CASZ1: variants seen among roughly 807,000 people sequenced by gnomAD.
CASZ1 encodes the protein zinc finger protein castor homolog 1.
In CASZ1, 28 loss-of-function variants were observed where a neutral mutation model predicts 135.2. The ratio of observed to expected loss-of-function variants is 0.21; its 90% CI spans 0.15 to 0.28. The LOEUF is 0.28. Ranked by LOEUF, CASZ1 falls within the 10% of genes least tolerant of loss-of-function variation. CASZ1 has a pLI of 1.00. For synonymous variants in CASZ1, 1,068 were observed against 1,073.4 expected (o/e 0.99, Z 0.10); for missense variants, 2,161 against 2,453.3 (o/e 0.88, Z 2.52).
intron 20 of CASZ1, 92 bp downstream of exon 20, chr1:10,642,767 T>G: frequency 7.0e-7 from 1 of 1,438,592 alleles, no homozygotes; most frequent in Non-Finnish European, 9.4e-7. Flanking sequence ...GGAGGCCGCG[T>G]GCCCCGGACC....
intron 1 of CASZ1, among the ~76,000 whole-genome samples, chr1:10,789,369 C>CT (rs199509019): frequency 1.6e-3 from 236 of 150,808 alleles, no homozygotes; most frequent in African/African-American, 5.7e-3. Flanking sequence ...CTGCCCCCCG[C>CT]ACCCCCTCCT....
At chr1:10,685,762 T>C (rs1638566713) in intron 4 of CASZ1, among the ~76,000 whole-genome samples, 2 of 152,198 alleles carry the variant, frequency 1.3e-5, no homozygotes, top group African/African-American at 4.8e-5. Context: ...CCTCCCCCTG[T>C]CCACTCCAGT....
At chr1:10,792,969 C>T (rs986116878) in intron 1 of CASZ1, among the ~76,000 whole-genome samples, 39 of 152,000 alleles carry the variant, frequency 2.6e-4, no homozygotes, top group Non-Finnish European at 5.4e-4. Flanking sequence ...AAAAGAGGAG[C>T]AAATATACCT....
At chr1:10,714,953 C>T (rs753788562) in intron 2 of CASZ1, among the ~76,000 whole-genome samples, 1 of 152,190 alleles carries the variant, frequency 6.6e-6, no homozygotes, top group African/African-American at 2.4e-5. Flanking sequence ...CATCCAAAGC[C>T]GAGGAATTCC....
In CASZ1 at chr1:10,666,070, TCA is replaced by T. The variant is rs1643224567; in HGVS notation, c.17-501_17-500del. 6.6e-6 allele frequency among the ~76,000 whole-genome samples: 1 copy of T among 151,380 alleles called. No individual in the cohort carries two copies. ...CTTACCACACGTTCCTGGGGAGGAG[TCA>T]CAGAGAGCCAGGGACCAGCTTGTGC... On this transcript the variant is annotated intron_variant, in intron 4 of 20. Coordinates refer to ENST00000377022, the MANE Select transcript of CASZ1 (RefSeq NM_001079843.3). The surrounding 1 kb of genome is among the most constrained non-coding windows in gnomAD (Gnocchi z 5.2).
intron 4 of CASZ1, among the ~76,000 whole-genome samples, chr1:10,687,777 G>A (rs938843529): frequency 1.3e-5 from 2 of 152,182 alleles, no homozygotes; most frequent in Non-Finnish European, 2.9e-5. Flanking sequence ...CCAGTCCCAG[G>A]CCATGGTCAT....
At chr1:10,669,109 C>T (rs950979585) in intron 4 of CASZ1, among the ~76,000 whole-genome samples, 2 of 152,226 alleles carry the variant, frequency 1.3e-5, no homozygotes, top group African/African-American at 4.8e-5. Context: ...TGGACTGGAC[C>T]GTCCACCTTT....
At chr1:10,730,377 T>C (rs1257122893) in intron 2 of CASZ1, among the ~76,000 whole-genome samples, 1 of 152,148 alleles carries the variant, frequency 6.6e-6, no homozygotes, top group African/African-American at 2.4e-5. Flanking sequence ...GCAAATATGA[T>C]TAACTTTTAG....
At chr1:10,665,944 G>C (rs1164013796) in intron 4 of CASZ1, among the ~76,000 whole-genome samples, 1 of 152,202 alleles carries the variant, frequency 6.6e-6, no homozygotes, top group Non-Finnish European at 1.5e-5. Context: ...GACACACAAG[G>C]AAACTGAGGC....
rs957890884 is a variant in CASZ1 at position 10,717,742 on chromosome 1, C to G, written c.-76-12198G>C. Among the ~76,000 whole-genome samples, 3 of 152,160 alleles carry G rather than the reference C, an allele frequency of 2.0e-5. No individual in the cohort carries two copies. The highest frequency in any genetic ancestry group is 4.4e-5 in the Non-Finnish European group (3 of 68,018). ...GAGCTGCCGGCACCCTGAACTCGGTCCCAGGGCGTGGCATGGGGCTTCCTG... is the reference window on the plus strand; with the variant it reads ...GAGCTGCCGGCACCCTGAACTCGGTGCCAGGGCGTGGCATGGGGCTTCCTG... On this transcript the variant is annotated intron_variant, in intron 2 of 20. Transcript: ENST00000377022. This position sits in a 1 kb window ranked among gnomAD's most constrained non-coding sequence, Gnocchi z 4.6.
chr1:10,723,961 C>T (rs567986423), intron 2 of CASZ1, among the ~76,000 whole-genome samples: 1 of 152,302 alleles, frequency 6.6e-6, no homozygotes, highest in African/African-American at 2.4e-5. Context: ...CAAACCATGC[C>T]AGCAGGGGTT....
In CASZ1 at chr1:10,665,525, C is replaced by T; in HGVS notation, c.63G>A (p.Met21Ile). The T allele has an allele frequency of 6.3e-7, 1 of 1,596,758 alleles. No individual in the cohort carries two copies. The highest frequency in any genetic ancestry group is 8.5e-7 in the Non-Finnish European group (1 of 1,176,734). Residue 21 changes from methionine (M) to isoleucine (I), a missense_variant, in exon 5 of 21, where the codon ATG becomes ATA. By Grantham distance (10) the Met-to-Ile change is conservative. Transcript: ENST00000377022. Reference sequence around the variant, plus strand: ...TCAGGCCACCCTTGCGTTTGGGCGCCATGGCGGGCTTGCCTGCAGGCGGGT... The same window carrying T: ...TCAGGCCACCCTTGCGTTTGGGCGCTATGGCGGGCTTGCCTGCAGGCGGGT... ...CTDPPAGKPA[M>I]APKRKGGLKL... is the part of the protein sequence containing the mutation.
chr1:10,653,983 G>C lies in CASZ1; in HGVS notation c.2074C>G (p.His692Asp). ...TSQMTSHKRKHERRHIRSSGA... is the reference protein window; with the variant it reads ...TSQMTSHKRKDERRHIRSSGA... ...GAGGAGCGGATGTGCCGGCGCTCAT[G>C]CTTGCGCTTGTGAGAGGTCATCTGG... The change falls in exon 11 of 21, where the codon CAT (histidine) becomes GAT (aspartate). Residue 692 changes from histidine to aspartate, a missense_variant. Physicochemically the swap from His to Asp is moderately conservative, Grantham distance 81. Around this residue, in one of 7 missense-constraint regions of CASZ1, gnomAD observed 248 missense variants for 410.8 expected, o/e 0.60. Coordinates refer to ENST00000377022, the MANE Select transcript of CASZ1 (RefSeq NM_001079843.3). 6.2e-7 allele frequency: 1 copy of C among 1,614,088 alleles called. No homozygotes were observed. Among genetic ancestry groups the C allele is most frequent in the East Asian group, 2.2e-5 (1 of 44,872 alleles).
rs1640240871 is a variant in CASZ1 at position 10,755,726 on chromosome 1, A to C, written c.-77+4975T>G. On this transcript the variant is annotated intron_variant, in intron 2 of 20. Transcript: ENST00000377022. The surrounding 1 kb of genome is among the most constrained non-coding windows in gnomAD (Gnocchi z 4.3). ...ACACTTGCCCAGATGAGAAATCAGG[A>C]AGATCAATAACTCTTCCCAGACCAA... 6.6e-6 allele frequency among the ~76,000 whole-genome samples: 1 copy of C among 152,076 alleles called. No individual in the cohort carries two copies. The highest frequency in any genetic ancestry group is 6.5e-5 in the Admixed American group (1 of 15,288).
chr1:10,766,355 G>A (rs1437216755), intron 1 of CASZ1, among the ~76,000 whole-genome samples: 2 of 152,218 alleles, frequency 1.3e-5, no homozygotes, highest in Non-Finnish European at 1.5e-5. Flanking sequence ...CTAGGCTAAC[G>A]ACTTTAACCT....
chr1:10,662,870 G>A (rs533664398), intron 5 of CASZ1, among the ~76,000 whole-genome samples: 1 of 152,306 alleles, frequency 6.6e-6, no homozygotes, highest in South Asian at 2.1e-4. Flanking sequence ...CTCTCGGAAT[G>A]AGGGAGAAGG....
At chr1:10,644,830 G>T in intron 18 of CASZ1, 87 bp downstream of exon 18, 1 of 1,387,162 alleles carries the variant, frequency 7.2e-7, no homozygotes, top group Non-Finnish European at 1.0e-6. Flanking sequence ...AACAGGACGC[G>T]GGTACCAGGA....
chr1:10,690,631 A>C (rs949144777), intron 4 of CASZ1, among the ~76,000 whole-genome samples: 26 of 152,224 alleles, frequency 1.7e-4, no homozygotes, highest in Admixed American at 1.4e-3. Context: ...CTCGACGACA[A>C]GGCTGCAGCC....
Position 10,646,168 on chromosome 1 carries a change from T to C in CASZ1, c.3656A>G (p.Gln1219Arg), listed in dbSNP as rs1039144379. 2.5e-6 allele frequency: 4 copies of C among 1,614,180 alleles called. No homozygotes were observed. The highest frequency in any genetic ancestry group is 1.3e-5 in the African/African-American group (1 of 75,054). ...PNNNLVNVRD[Q>R]FAYYSLQCLC... ...ACACTGCAGAGAGTAGTATGCAAACTGGTCTCGCACGTTCACCAGGTTGTT... is the reference window on the plus strand; with the variant it reads ...ACACTGCAGAGAGTAGTATGCAAACCGGTCTCGCACGTTCACCAGGTTGTT... The change falls in exon 17 of 21, where the codon CAG (glutamine) becomes CGG (arginine). Residue 1219 changes from glutamine (Q) to arginine (R), a missense_variant. Gln to Arg is a conservative substitution (Grantham distance 43). Around this residue, in one of 7 missense-constraint regions of CASZ1, gnomAD observed 349 missense variants for 460.8 expected, o/e 0.76. Coordinates refer to ENST00000377022, the MANE Select transcript of CASZ1 (RefSeq NM_001079843.3). This position sits in a 1 kb window ranked among gnomAD's most constrained non-coding sequence, Gnocchi z 6.4.
Sources: gnomAD v4.1 joint callset for allele counts (sites outside exome capture counted in the v4.1 genomes callset) on GRCh38, gnomAD v4.1.1 for gene constraint, gnomAD v4.1.1 regional missense constraint, Gnocchi (gnomAD v3.1) non-coding constraint, MANE v1.5 for transcripts, NCBI Gene and HGNC (gene_info 2026-07-23, HGNC 2026-07-21) for gene names.